Variants in EMILIN2 observed in about 807,000 individuals in gnomAD.
The protein encoded by EMILIN2 is EMILIN-2.
A neutral mutation model predicts 87.1 loss-of-function variants in EMILIN2; 71 were observed. The ratio of observed to expected loss-of-function variants is 0.82; its 90% CI spans 0.67 to 0.99. The LOEUF is 0.99. EMILIN2 is among the 50% of genes least tolerant of loss of function. EMILIN2 has a pLI of 0.00. For missense variants in EMILIN2, 1,407 were observed against 1,371.8 expected, an observed-to-expected ratio of 1.03 and a Z score of -0.40; for synonymous variants, 581 against 563.4, an observed-to-expected ratio of 1.03 and a Z score of -0.44.
At chr18:2,871,134 G>A (rs1273329390) in intron 2 of EMILIN2, among the ~76,000 whole-genome samples, 1 of 152,098 alleles carries the variant, frequency 6.6e-6, no homozygotes, top group Non-Finnish European at 1.5e-5. Flanking sequence ...TATCTTTCTG[G>A]GGGGCACACA....
In EMILIN2 at chr18:2,894,907, C is replaced by T. The variant is rs1598501326; in HGVS notation, c.2359+2421C>T. Among the ~76,000 whole-genome samples, 1 of 152,006 alleles carries T rather than the reference C, an allele frequency of 6.6e-6. No homozygotes were observed. The highest frequency in any genetic ancestry group is 2.1e-4 in the South Asian group (1 of 4,800). On this transcript the variant is annotated intron_variant, in intron 4 of 7. Coordinates refer to ENST00000254528, the MANE Select transcript of EMILIN2 (RefSeq NM_032048.3). The surrounding 1 kb of genome is among the most constrained non-coding windows in gnomAD (Gnocchi z 5.0). ...AAGTCAACAGAATGTTTATTGAGTGCCTACGATGTGCAAGGCTCTTGGGGG... is the reference window on the plus strand; with the variant it reads ...AAGTCAACAGAATGTTTATTGAGTGTCTACGATGTGCAAGGCTCTTGGGGG...
intron 2 of EMILIN2, among the ~76,000 whole-genome samples, chr18:2,852,859 C>T (rs1219452987): frequency 6.6e-6 from 1 of 152,194 alleles, no homozygotes; most frequent in Non-Finnish European, 1.5e-5. Context: ...TTCACCATCA[C>T]TTAGGAATTT....
rs754771468 is a variant in EMILIN2 at position 2,891,642 on chromosome 18, C to T, written c.1515C>T (p.Leu505=). 1.2e-6 allele frequency: 2 copies of T among 1,614,050 alleles called. No homozygotes were observed. The highest frequency in any genetic ancestry group is 1.7e-6 in the Non-Finnish European group (2 of 1,180,026). The change falls in exon 4 of 8, where the codon CTC becomes CTT. Residue 505 remains leucine (L), a synonymous_variant. Coordinates refer to ENST00000254528, the MANE Select transcript of EMILIN2 (RefSeq NM_032048.3). The surrounding 1 kb of genome is among the most constrained non-coding windows in gnomAD (Gnocchi z 4.6). ...TGGAAGACCGTCTGGGGAGCGTTCT[C>T]CTACAGATGACCAATAACACTGGTG... ...QSLEDRLGSV[L]LQMTNNTGAE...
At chr18:2,904,672 A>C (rs2076901816) in intron 4 of EMILIN2, among the ~76,000 whole-genome samples, 1 of 152,052 alleles carries the variant, frequency 6.6e-6, no homozygotes, top group Non-Finnish European at 1.5e-5. Context: ...TGAGGGTAGG[A>C]TGTGTTTATT....
chr18:2,882,138 C>T (rs1445922096), intron 2 of EMILIN2, among the ~76,000 whole-genome samples: 4 of 152,188 alleles, frequency 2.6e-5, no homozygotes, highest in Non-Finnish European at 5.9e-5. Context: ...CCTCTGTTTT[C>T]TCACTTGTGA....
chr18:2,868,645 A>T (rs1459227099), intron 2 of EMILIN2, among the ~76,000 whole-genome samples: 1 of 152,184 alleles, frequency 6.6e-6, no homozygotes, highest in Non-Finnish European at 1.5e-5. Flanking sequence ...AAAATACGAA[A>T]ACCAGTCAGG....
At position 2,891,306 on chromosome 18, in the gene EMILIN2, G is replaced by A. The variant is rs1180648854; in HGVS notation, c.1179G>A (p.Gln393=). 1.9e-6 allele frequency: 3 copies of A among 1,614,174 alleles called. No homozygotes were observed. Among genetic ancestry groups the A allele is most frequent in the Non-Finnish European group, 1.7e-6 (2 of 1,180,046 alleles). ...CCCGGCTACAGGAGCCTTCAGCCCA[G>A]GCAAATTGCTGCGACAGTGAAAAGA... ...LRARLQEPSA[Q]ANCCDSEKNG... is the part of the protein sequence containing the mutation. Residue 393 remains glutamine (Q), a synonymous_variant, in exon 4 of 8, where the codon CAG becomes CAA. Transcript: ENST00000254528. This position sits in a 1 kb window ranked among gnomAD's most constrained non-coding sequence, Gnocchi z 4.6.
chr18:2,850,009 A>G (rs2076594333), intron 2 of EMILIN2, among the ~76,000 whole-genome samples: 1 of 150,544 alleles, frequency 6.6e-6, no homozygotes, highest in African/African-American at 2.4e-5. Flanking sequence ...TCACTGCAAC[A>G]ACTGCCTCCT....
Position 2,906,917 on chromosome 18 carries a change from G to T in EMILIN2, c.2494G>T (p.Glu832Ter). The T allele has an allele frequency of 7.2e-7, 1 of 1,396,502 alleles. No homozygotes were observed. Among genetic ancestry groups the T allele is most frequent in the Non-Finnish European group, 9.3e-7 (1 of 1,072,664 alleles). The allele number at this position is 1,396,502 out of a possible 1,614,324, so 86.5% of individuals were successfully genotyped here. Residue 832 changes from glutamate to a stop codon, truncating the protein, a stop_gained, in exon 5 of 8, where the codon GAG (glutamate) becomes TAG (stop). Transcript: ENST00000254528. LOFTEE classifies it high-confidence loss of function. ...RRPVLPQRPP[E>*]ERPPQPPGST... is the part of the protein sequence containing the mutation. ...GCCCGTCCTGCCCCAGCGGCCCCCC[G>T]AGGAGAGGCCGCCCCAGCCGCCAGG...
Position 2,847,753 on chromosome 18 carries a change from C to A in EMILIN2, c.135-56C>A. On this transcript the variant is annotated intron_variant, in intron 1 of 7. Coordinates refer to ENST00000254528, the MANE Select transcript of EMILIN2 (RefSeq NM_032048.3). This position sits in a 1 kb window ranked among gnomAD's most constrained non-coding sequence, Gnocchi z 4.5. ...GTGCCGCAGTCCCCTCTCCCCTGGC[C>A]TCATTGTTCTCCGGGTTTACCCCGT... 6.3e-7 allele frequency: 1 copy of A among 1,596,160 alleles called. No homozygotes were observed. The highest frequency in any genetic ancestry group is 8.5e-7 in the Non-Finnish European group (1 of 1,174,664).
Position 2,891,532 on chromosome 18 carries a change from T to C in EMILIN2, c.1405T>C (p.Phe469Leu), listed in dbSNP as rs1177216247. 6.2e-7 allele frequency: 1 copy of C among 1,614,028 alleles called. No homozygotes were observed. Among genetic ancestry groups the C allele is most frequent in the East Asian group, 2.2e-5 (1 of 44,886 alleles). ...VTEKNAEEHCFYIEETLRGAI... is the reference protein window; with the variant it reads ...VTEKNAEEHCLYIEETLRGAI... Reference sequence around the variant, plus strand: ...GGAGAAGAACGCTGAAGAACATTGCTTTTACATTGAGGAAACCCTTCGGGG... The same window carrying C: ...GGAGAAGAACGCTGAAGAACATTGCCTTTACATTGAGGAAACCCTTCGGGG... Residue 469 changes from phenylalanine to leucine, a missense_variant, in exon 4 of 8, where the codon TTT becomes CTT. By Grantham distance (22) the Phe-to-Leu change is conservative. Coordinates refer to ENST00000254528, the MANE Select transcript of EMILIN2 (RefSeq NM_032048.3). The surrounding 1 kb of genome is among the most constrained non-coding windows in gnomAD (Gnocchi z 4.6).
chr18:2,863,034 G>A (rs1228501028), intron 2 of EMILIN2, among the ~76,000 whole-genome samples: 2 of 152,250 alleles, frequency 1.3e-5, no homozygotes, highest in South Asian at 2.1e-4. Flanking sequence ...ATTCTCTGAT[G>A]GTAGTTTGTA....
intron 2 of EMILIN2, among the ~76,000 whole-genome samples, chr18:2,863,563 G>C (rs2076671892): frequency 6.6e-6 from 1 of 152,186 alleles, no homozygotes; most frequent in Non-Finnish European, 1.5e-5. Flanking sequence ...GTTCTAGTTT[G>C]ATTGCACTGT....
At chr18:2,852,549 C>G (rs564259492) in intron 2 of EMILIN2, among the ~76,000 whole-genome samples, 2 of 152,188 alleles carry the variant, frequency 1.3e-5, no homozygotes, top group East Asian at 3.8e-4. Flanking sequence ...GACAGGGTCT[C>G]GCTCTATTGC....
Position 2,913,638 on chromosome 18 carries a change from CTGGAAGA to C in EMILIN2, c.*235_*241del. On this transcript the variant is annotated 3_prime_UTR_variant, in exon 8 of 8. Coordinates refer to ENST00000254528, the MANE Select transcript of EMILIN2 (RefSeq NM_032048.3). The stretch of plus-strand genomic sequence containing the variant: ...CTTTTCTGCCACTCTAACTGGACAA[CTGGAAGA>C]CTTGGAAAGGCCTCCACCTGTATCT... 1.0e-5 allele frequency: 5 copies of C among 502,010 alleles called. No homozygotes were observed. The highest frequency in any genetic ancestry group is 5.3e-5 in the South Asian group (2 of 37,490). The allele number at this position is 502,010 out of a possible 1,614,324, so 31.1% of individuals were successfully genotyped here.
At chr18:2,909,871 G>A (rs756970068) in intron 7 of EMILIN2, 52 bp downstream of exon 7, 10 of 1,589,382 alleles carry the variant, frequency 6.3e-6, no homozygotes, top group Middle Eastern at 3.4e-4. Flanking sequence ...CCCAACGCAG[G>A]TGGGACCCCT....
In EMILIN2 at chr18:2,892,429, C is replaced by T. The variant is rs1247235702; in HGVS notation, c.2302C>T (p.His768Tyr). 1 of 1,612,474 alleles carries T rather than the reference C, an allele frequency of 6.2e-7. No individual in the cohort carries two copies. The highest frequency in any genetic ancestry group is 1.1e-5 in the South Asian group (1 of 91,048). ...GAATTCAGTCCAGCAGTTCTACAGC[C>T]ACGTCTTCCAGATTTCTACTGATTT... is the stretch of plus-strand genomic sequence containing the variant. ...LKNSVQQFYS[H>Y]VFQISTDLQD... The change falls in exon 4 of 8, where the codon CAC becomes TAC. Residue 768 changes from histidine to tyrosine, a missense_variant. Coordinates refer to ENST00000254528, the MANE Select transcript of EMILIN2 (RefSeq NM_032048.3).
Position 2,913,135 on chromosome 18 carries a change from T to TCTCTC in EMILIN2, c.2893_2894insCTCTC (p.Tyr965SerfsTer52). On this transcript the variant is annotated frameshift_variant, in exon 8 of 8. Transcript: ENST00000254528. LOFTEE classifies it high-confidence loss of function. ...CACCCTCACCCCCGAGAGAGACGCC[T>TCTCTC]ACGTGGAAGCAGTGCTGTCGGTCTC... is the stretch of plus-strand genomic sequence containing the variant. 6.2e-7 allele frequency: 1 copy of TCTCTC among 1,613,728 alleles called. No individual in the cohort carries two copies. Among genetic ancestry groups the TCTCTC allele is most frequent in the African/African-American group, 1.3e-5 (1 of 74,920 alleles).
intron 7 of EMILIN2, among the ~76,000 whole-genome samples, chr18:2,910,616 C>T (rs761301670): frequency 1.4e-4 from 22 of 152,090 alleles, no homozygotes; most frequent in African/African-American, 2.4e-4. Context: ...GTTCTGCTCA[C>T]GCACTGTGAA....
Sources: gnomAD v4.1 joint callset for allele counts (sites outside exome capture counted in the v4.1 genomes callset) on GRCh38, gnomAD v4.1.1 for gene constraint, Gnocchi (gnomAD v3.1) non-coding constraint, MANE v1.5 for transcripts, NCBI Gene and HGNC (gene_info 2026-07-23, HGNC 2026-07-21) for gene names.